SS18: variants seen among roughly 807,000 people sequenced by gnomAD.
The protein encoded by SS18 is SS18 subunit of BAF chromatin remodeling complex, also known as protein SSXT.
SS18 carries 28 observed loss-of-function variants against 72.5 expected under a neutral mutation model. The ratio of observed to expected loss-of-function variants is 0.39; its 90% CI spans 0.29 to 0.53. SS18 has a LOEUF of 0.53. SS18 is among the 20% of genes least tolerant of loss of function. The pLI is 0.76. For missense variants in SS18, 518 were observed against 535.3 expected (o/e 0.97, Z 0.32); for synonymous variants, 172 against 164.2 (o/e 1.05, Z -0.37).
chr18:26,067,518 G>A (rs1420852963), intron 3 of SS18, among the ~76,000 whole-genome samples: 1 of 152,174 alleles, frequency 6.6e-6, no homozygotes, highest in East Asian at 1.9e-4. Flanking sequence ...TCTATTGGAA[G>A]CTGGATTCAT....
chr18:26,033,349 A>C (rs2053575172), intron 9 of SS18, among the ~76,000 whole-genome samples: 1 of 152,132 alleles, frequency 6.6e-6, no homozygotes, highest in African/African-American at 2.4e-5. Flanking sequence ...CCCCATCTCT[A>C]CTAAAAGTAC....
At chr18:26,040,871 G>C (rs1242019028) in intron 5 of SS18, among the ~76,000 whole-genome samples, 1 of 152,144 alleles carries the variant, frequency 6.6e-6, no homozygotes, top group Non-Finnish European at 1.5e-5. Context: ...CTGGCTGGGT[G>C]AGAGTAGAGG....
chr18:26,039,493 G>C, intron 5 of SS18, 37 bp from the exon 6 acceptor site: 1 of 1,527,846 alleles, frequency 6.5e-7, no homozygotes, highest in Non-Finnish European at 8.9e-7. Context: ...ATAATTTTTT[G>C]TATATAACTT....
intron 10 of SS18, among the ~76,000 whole-genome samples, chr18:26,024,145 CTA>C (rs2053403987): frequency 3.9e-5 from 6 of 152,082 alleles, no homozygotes; most frequent in Admixed American, 3.9e-4. Flanking sequence ...ATAGGCAAAT[CTA>C]TAGAGATAGA....
intron 3 of SS18, among the ~76,000 whole-genome samples, chr18:26,071,266 A>C (rs1242816265): frequency 6.6e-6 from 1 of 152,224 alleles, no homozygotes; most frequent in East Asian, 1.9e-4. Flanking sequence ...GATAATTAGA[A>C]AGAAATCTTC....
chr18:26,061,318 AT>A (rs1242541479), intron 3 of SS18, among the ~76,000 whole-genome samples: 1 of 135,930 alleles, frequency 7.4e-6, no homozygotes, highest in Non-Finnish European at 1.6e-5. Context: ...GTCTCAAAAA[AT>A]AAATAAATAA....
chr18:26,036,192 A>G (rs1237303777), intron 7 of SS18, among the ~76,000 whole-genome samples: 2 of 151,764 alleles, frequency 1.3e-5, no homozygotes. Context: ...GGGAAAAAAA[A>G]CTATCTCCCA....
At chr18:26,070,353 T>C (rs1598597455) in intron 3 of SS18, among the ~76,000 whole-genome samples, 1 of 152,342 alleles carries the variant, frequency 6.6e-6, no homozygotes, top group African/African-American at 2.4e-5. Context: ...TTTATGTCTA[T>C]TTCTATGCCA....
intron 3 of SS18, among the ~76,000 whole-genome samples, chr18:26,066,728 A>G (rs1163421640): frequency 6.6e-6 from 1 of 152,132 alleles, no homozygotes; most frequent in Non-Finnish European, 1.5e-5. Context: ...AACAGTAAAC[A>G]TGATTTTTTT....
At chr18:26,065,805 A>ATATATATATATATATATATATATC (rs2054204033) in intron 3 of SS18, among the ~76,000 whole-genome samples, 1 of 109,684 alleles carries the variant, frequency 9.1e-6, no homozygotes, top group African/African-American at 3.9e-5. Context: ...AAATCCATAT[A>ATATATATATATATATATATATATC]TATATATATA....
intron 3 of SS18, among the ~76,000 whole-genome samples, chr18:26,069,451 T>C (rs1037825879): frequency 6.7e-6 from 1 of 148,418 alleles, no homozygotes; most frequent in Non-Finnish European, 1.5e-5. Flanking sequence ...TACATTAGAA[T>C]TACCTAAGAA....
chr18:26,029,091 C>G (rs1219628922), intron 10 of SS18, among the ~76,000 whole-genome samples: 2 of 152,004 alleles, frequency 1.3e-5, no homozygotes, highest in Admixed American at 6.6e-5. Context: ...GGCATTCAGG[C>G]AGAAAAAGGG....
intron 5 of SS18, among the ~76,000 whole-genome samples, chr18:26,046,909 T>C (rs531768462): frequency 5.9e-5 from 9 of 152,358 alleles, no homozygotes; most frequent in Non-Finnish European, 7.3e-5. Flanking sequence ...TAGTGATTTG[T>C]AGACTGAAGA....
chr18:26,036,774 T>C (rs1280258942), intron 7 of SS18, among the ~76,000 whole-genome samples: 1 of 152,130 alleles, frequency 6.6e-6, no homozygotes, highest in Non-Finnish European at 1.5e-5. Context: ...TATTCTAATG[T>C]TCCCAAGCCA....
In SS18 at chr18:26,088,665, T is replaced by C. The variant is rs138481828; in HGVS notation, c.70-1088A>G. Among the ~76,000 whole-genome samples the C allele has an allele frequency of 3.5e-3, 539 of 152,284 alleles. 2 individuals carry two copies. The highest frequency in any genetic ancestry group is 0.01 in the Middle Eastern group (3 of 294). ...AAAGGCCAGTTAGTTTCAGTGCCAG[T>C]TTTGCCATTTTGAGCAAGTCACTTA... On this transcript the variant is annotated intron_variant, in intron 1 of 10. Transcript: ENST00000415083.
At chr18:26,067,947 T>A (rs1697566160) in intron 3 of SS18, among the ~76,000 whole-genome samples, 2 of 152,110 alleles carry the variant, frequency 1.3e-5, no homozygotes. Flanking sequence ...CATTAGATTA[T>A]CATAAGGAGC....
At chr18:26,022,133 T>C (rs566140016) in intron 10 of SS18, among the ~76,000 whole-genome samples, 2 of 152,264 alleles carry the variant, frequency 1.3e-5, no homozygotes, top group East Asian at 3.9e-4. Context: ...ATTTTAGGGG[T>C]TTCCTCTTAA....
intron 3 of SS18, among the ~76,000 whole-genome samples, chr18:26,059,376 A>T (rs2054080133): frequency 6.6e-6 from 1 of 152,242 alleles, no homozygotes; most frequent in African/African-American, 2.4e-5. Flanking sequence ...AGGAAAAAAA[A>T]GAGTCAGAAT....
At chr18:26,021,135 T>C (rs1598519789) in intron 10 of SS18, among the ~76,000 whole-genome samples, 1 of 152,172 alleles carries the variant, frequency 6.6e-6, no homozygotes, top group South Asian at 2.1e-4. Context: ...AGGTAGGCTG[T>C]GTATCTGCAA....
Sources: allele counts gnomAD v4.1 joint callset (sites outside exome capture counted in the v4.1 genomes callset), GRCh38; gene constraint gnomAD v4.1.1; transcripts MANE v1.5; gene names NCBI Gene and HGNC (gene_info 2026-07-23, HGNC 2026-07-21).